APOL6: variants seen among roughly 807,000 people sequenced by gnomAD.
The protein encoded by APOL6 is apolipoprotein L, 6.
A neutral mutation model predicts 2.4 loss-of-function variants in APOL6; 1 was observed. The ratio of observed to expected loss-of-function variants is 0.41; its 90% CI spans 0.15 to 1.94. The LOEUF is 1.94. Ranked by LOEUF, APOL6 falls within the 30% of genes most tolerant of loss-of-function variation. APOL6 has a pLI of 0.30. For synonymous variants in APOL6, 189 were observed against 169.3 expected, an observed-to-expected ratio of 1.12 and a Z score of -0.90; for missense variants, 438 against 429.2, an observed-to-expected ratio of 1.02 and a Z score of -0.18.
intron 1 of APOL6, among the ~76,000 whole-genome samples, chr22:35,651,841 A>C (rs1924706319): frequency 6.6e-6 from 1 of 152,224 alleles, no homozygotes; most frequent in Non-Finnish European, 1.5e-5. Context: ...TATTGTGAAT[A>C]GTGCCGCAAT....
chr22:35,653,786 A>G (rs1358531997), intron 1 of APOL6, among the ~76,000 whole-genome samples: 1 of 152,194 alleles, frequency 6.6e-6, no homozygotes, highest in Non-Finnish European at 1.5e-5. Flanking sequence ...GGCATCCTAC[A>G]GTTTAACTCA....
At position 35,664,201 on chromosome 22, in the gene APOL6, G is replaced by A. The variant is rs917959154; in HGVS notation, c.*4605G>A. 6.6e-6 allele frequency: 1 copy of A among 152,110 alleles called. No individual in the cohort carries two copies. The highest frequency in any genetic ancestry group is 1.5e-5 in the Non-Finnish European group (1 of 68,014). The allele number at this position is 152,110 out of a possible 1,614,324, so 9.4% of individuals were successfully genotyped here. On this transcript the variant is annotated 3_prime_UTR_variant, in exon 3 of 3. Transcript: ENST00000409652. ...ACTTATCCCTGCCAAATACCAGAAGGTGTCAAAATTTGGCATAGGGGTTAT... is the reference window on the plus strand; with the variant it reads ...ACTTATCCCTGCCAAATACCAGAAGATGTCAAAATTTGGCATAGGGGTTAT...
chr22:35,654,063 C>T lies in APOL6; in HGVS notation c.-47-2316C>T, dbSNP rs193252449. ...AGGATCCAACTCAAGAATGGCCAGACGGAATTGATGCACAGGGCAAGATAT... is the reference window on the plus strand; with the variant it reads ...AGGATCCAACTCAAGAATGGCCAGATGGAATTGATGCACAGGGCAAGATAT... On this transcript the variant is annotated intron_variant, in intron 1 of 2. Coordinates refer to ENST00000409652, the MANE Select transcript of APOL6 (RefSeq NM_030641.4). Among the ~76,000 whole-genome samples the T allele has an allele frequency of 6.2e-4, 95 of 152,262 alleles. 1 individual carries two copies. The highest frequency in any genetic ancestry group is 1.6e-3 in the African/African-American group (68 of 41,544).
At chr22:35,652,439 G>A (rs1924723266) in intron 1 of APOL6, among the ~76,000 whole-genome samples, 1 of 152,162 alleles carries the variant, frequency 6.6e-6, no homozygotes, top group South Asian at 2.1e-4. Context: ...TGTTGCCGTT[G>A]CTTTTGGTGT....
chr22:35,649,024 A>G (rs1439396002), intron 1 of APOL6, among the ~76,000 whole-genome samples: 1 of 152,162 alleles, frequency 6.6e-6, no homozygotes, highest in East Asian at 1.9e-4. Flanking sequence ...TCATCTCACA[A>G]GAAAAAAGGT....
rs60161381 is a variant in APOL6, at chr22:35,661,357, C to CAAAAAAAAAAAAA, written c.*1773_*1785dup. 1 of 42,554 alleles carries CAAAAAAAAAAAAA rather than the reference C, an allele frequency of 2.3e-5. No individual in the cohort carries two copies. Among genetic ancestry groups the CAAAAAAAAAAAAA allele is most frequent in the Admixed American group, 2.4e-4 (1 of 4,138 alleles). 2.6% of individuals were successfully genotyped at this position (42,554 alleles called of 1,614,324 possible). On this transcript the variant is annotated 3_prime_UTR_variant, in exon 3 of 3. Transcript: ENST00000409652. ...TGGGTGTCAGAATGAGACCCCATCTCAAAAAAAAAAAAAAAAAAAAAAAAG... is the reference window on the plus strand; with the variant it reads ...TGGGTGTCAGAATGAGACCCCATCTCAAAAAAAAAAAAAAAAAAAAAAAAAAAAAAAAAAAAAG...
rs1266413882 is a variant in APOL6 at position 35,659,147 on chromosome 22, C to G, written c.583C>G (p.Pro195Ala). ...TGCATTTTGGAAACTCAGAGCCAAC[C>G]CACGCTTGGCCAATGCTACCAAGCG... Reference protein sequence around the residue: ...VRAFWKLRANPRLANATKRLL... With the variant: ...VRAFWKLRANARLANATKRLL... The change falls in exon 3 of 3, where the codon CCA (proline) becomes GCA (alanine). Residue 195 changes from proline (P) to alanine (A), a missense_variant. Coordinates refer to ENST00000409652, the MANE Select transcript of APOL6 (RefSeq NM_030641.4). 6.2e-7 allele frequency: 1 copy of G among 1,614,120 alleles called. No homozygotes were observed. The highest frequency in any genetic ancestry group is 8.5e-7 in the Non-Finnish European group (1 of 1,180,024).
At position 35,659,540 on chromosome 22, in the gene APOL6, A is replaced by ATGTGGC; in HGVS notation, c.987_992dup (p.Trp329_Leu330dup). On this transcript the variant is annotated inframe_insertion, in exon 3 of 3. Transcript: ENST00000409652. ...GAAGGAGTTAAGGGAGCATGTGTGG[A>ATGTGGC]TGTGGCTGTGGCTGTGTGTGTGTCT... is the stretch of plus-strand genomic sequence containing the variant. The ATGTGGC allele has an allele frequency of 6.2e-7, 1 of 1,613,938 alleles. No individual in the cohort carries two copies. The highest frequency in any genetic ancestry group is 8.5e-7 in the Non-Finnish European group (1 of 1,179,968).
Position 35,659,167 on chromosome 22 carries a change from C to CAAG in APOL6, c.604_606dup (p.Lys202dup), listed in dbSNP as rs755169983. On this transcript the variant is annotated inframe_insertion, in exon 3 of 3. Coordinates refer to ENST00000409652, the MANE Select transcript of APOL6 (RefSeq NM_030641.4). ...CCAACCCACGCTTGGCCAATGCTAC[C>CAAG]AAGCGTCTTCTGACCACTGGCCAAG... The CAAG allele has an allele frequency of 3.1e-6, 5 of 1,614,164 alleles. No homozygotes were observed. Among genetic ancestry groups the CAAG allele is most frequent in the African/African-American group, 1.3e-5 (1 of 75,042 alleles).
At chr22:35,650,952 T>A (rs546772663) in intron 1 of APOL6, among the ~76,000 whole-genome samples, 64 of 150,788 alleles carry the variant, frequency 4.2e-4, no homozygotes, top group African/African-American at 5.9e-4. Flanking sequence ...AAAATTTTTT[T>A]AAAAATAAAG....
intron 1 of APOL6, among the ~76,000 whole-genome samples, chr22:35,651,059 G>A (rs1924677170): frequency 6.6e-6 from 1 of 152,104 alleles, no homozygotes; most frequent in African/African-American, 2.4e-5. Context: ...ATGAGCTGAG[G>A]GAGAAGCTAT....
rs1216674546 is a variant in APOL6 at position 35,661,647 on chromosome 22, G to A, written c.*2051G>A. The A allele has an allele frequency of 6.6e-6, 1 of 152,120 alleles. No homozygotes were observed. Among genetic ancestry groups the A allele is most frequent in the Non-Finnish European group, 1.5e-5 (1 of 68,034 alleles). The allele number at this position is 152,120 out of a possible 1,614,324, so 9.4% of individuals were successfully genotyped here. A position where few individuals can be genotyped will look rare whatever the true frequency, so the allele number is the denominator to read the frequency against. The stretch of plus-strand genomic sequence containing the variant: ...CTAAACATATGTAAACAGAGAAAAA[G>A]GAAAGTAAAAATATGGCATAAAAGA... On this transcript the variant is annotated 3_prime_UTR_variant, in exon 3 of 3. Transcript: ENST00000409652.
chr22:35,660,580 C>T lies in APOL6; in HGVS notation c.*984C>T, dbSNP rs1043666130. 2.0e-5 allele frequency: 3 copies of T among 152,230 alleles called. No homozygotes were observed. Among genetic ancestry groups the T allele is most frequent in the Admixed American group, 2.0e-4 (3 of 15,286 alleles). The allele number at this position is 152,230 out of a possible 1,614,324, so 9.4% of individuals were successfully genotyped here. ...TGTTTGTGCTGCTATAACAAAATAC[C>T]TTAGACTGGGTAATTTACAAACAAC... On this transcript the variant is annotated 3_prime_UTR_variant, in exon 3 of 3. Coordinates refer to ENST00000409652, the MANE Select transcript of APOL6 (RefSeq NM_030641.4).
chr22:35,654,583 C>CAT (rs200901385), intron 1 of APOL6, among the ~76,000 whole-genome samples: 1,651 of 151,676 alleles, frequency 0.011, 42 homozygotes, highest in African/African-American at 0.038. Flanking sequence ...CACATACACA[C>CAT]ACATATATAT....
At position 35,659,265 on chromosome 22, in the gene APOL6, G is replaced by C. The variant is rs560610184; in HGVS notation, c.701G>C (p.Arg234Pro). The C allele has an allele frequency of 1.2e-6, 2 of 1,614,168 alleles. No homozygotes were observed. The highest frequency in any genetic ancestry group is 1.7e-6 in the Non-Finnish European group (2 of 1,180,028). ...GTTLAMTKNA[R>P]VLGGVMSAFS... ...ACACTGGCGATGACCAAAAATGCTC[G>C]CGTGCTGGGAGGTGTGATGTCCGCC... is the stretch of plus-strand genomic sequence containing the variant. The change falls in exon 3 of 3, where the codon CGC (arginine) becomes CCC (proline). Residue 234 changes from arginine (R) to proline (P), a missense_variant. Transcript: ENST00000409652.
At chr22:35,651,698 T>A (rs1924701965) in intron 1 of APOL6, among the ~76,000 whole-genome samples, 3 of 152,206 alleles carry the variant, frequency 2.0e-5, no homozygotes, top group Admixed American at 2.0e-4. Flanking sequence ...GTTTCCAGCT[T>A]CATCCATGTC....
chr22:35,651,189 G>T (rs930176955), intron 1 of APOL6, among the ~76,000 whole-genome samples: 1 of 152,140 alleles, frequency 6.6e-6, no homozygotes, highest in African/African-American at 2.4e-5. Context: ...AAACCAGGTG[G>T]CTTCAAACAA....
chr22:35,659,293 C>T lies in APOL6; in HGVS notation c.729C>T (p.Phe243=). The T allele has an allele frequency of 1.9e-6, 3 of 1,614,186 alleles. No homozygotes were observed. The highest frequency in any genetic ancestry group is 2.2e-5 in the South Asian group (2 of 91,086). ...ARVLGGVMSA[F]SLGYDLATLS... is the part of the protein sequence containing the mutation. ...TGCTGGGAGGTGTGATGTCCGCCTT[C>T]TCCCTTGGCTATGACTTGGCCACTC... The change falls in exon 3 of 3, where the codon TTC becomes TTT. Residue 243 remains phenylalanine, a synonymous_variant. Coordinates refer to ENST00000409652, the MANE Select transcript of APOL6 (RefSeq NM_030641.4).
In APOL6 at chr22:35,649,129, T is replaced by C. The variant is rs369393211; in HGVS notation, c.-48+506T>C. On this transcript the variant is annotated intron_variant, in intron 1 of 2. Transcript: ENST00000409652. The stretch of plus-strand genomic sequence containing the variant: ...TTGTTTGGGGAAGAGGGTGAGGGAG[T>C]TTGTGATAAATATTAGGGCGACTAG... 1.2e-4 allele frequency among the ~76,000 whole-genome samples: 18 copies of C among 151,666 alleles called. No homozygotes were observed. The South Asian group carries it at 1.7e-3, about 14-fold the overall frequency.
Sources: gnomAD v4.1 joint callset for allele counts (sites outside exome capture counted in the v4.1 genomes callset) on GRCh38, gnomAD v4.1.1 for gene constraint, MANE v1.5 for transcripts, NCBI Gene and HGNC (gene_info 2026-07-23, HGNC 2026-07-21) for gene names.